XKR9: variants seen among roughly 807,000 people sequenced by gnomAD.
XKR9 encodes XK related 9.
XKR9 carries 32 observed loss-of-function variants against 32.0 expected under a neutral mutation model. The ratio of observed to expected loss-of-function variants is 1.00; its 90% confidence interval spans 0.76 to 1.34. XKR9 has a LOEUF of 1.34. XKR9 is among the 40% of genes most tolerant of loss of function. XKR9 has a pLI of 0.00. For synonymous variants in XKR9, 168 were observed against 143.4 expected, an observed-to-expected ratio of 1.17 and a Z score of -1.22; for missense variants, 546 against 429.7, an observed-to-expected ratio of 1.27 and a Z score of -2.39.
chr8:70,886,651 CTT>C, the XKR9 span, among the ~76,000 whole-genome samples: 5 of 150,168 alleles, frequency 3.3e-5, no homozygotes, highest in African/African-American at 1.2e-4. Flanking sequence ...TGATGATAAG[CTT>C]TTTTTTTCAT....
At chr8:71,049,522 A>G in the XKR9 span, among the ~76,000 whole-genome samples, 1 of 152,242 alleles carries the variant, frequency 6.6e-6, no homozygotes, top group African/African-American at 2.4e-5. Flanking sequence ...AAGTGATCCC[A>G]ACACAGAGGA....
Position 70,735,110 on chromosome 8 carries a change from T to C in XKR9, c.*686T>C, listed in dbSNP as rs1280465925. The C allele has an allele frequency of 2.0e-5, 3 of 152,132 alleles. No individual in the cohort carries two copies. Among genetic ancestry groups the C allele is most frequent in the East Asian group, 1.9e-4 (1 of 5,206 alleles). 9.4% of individuals were successfully genotyped at this position (152,132 alleles called of 1,614,324 possible). ...AATTATTTTTATTTTTAAAAAATTA[T>C]GGTAAAAACATATAAAATTTACCAT... is the stretch of plus-strand genomic sequence containing the variant. On this transcript the variant is annotated 3_prime_UTR_variant, in exon 5 of 5. Transcript: ENST00000408926.
Position 70,683,805 on chromosome 8 carries a change from C to T in XKR9, c.272+2475C>T, listed in dbSNP as rs181648780. ...GTTCGGCCCTAGAATTACTTTACTT[C>T]TGCCTTCCTGAGGTCTGCCTTTTAG... On this transcript the variant is annotated intron_variant, in intron 3 of 4. Coordinates refer to ENST00000408926, the MANE Select transcript of XKR9 (RefSeq NM_001011720.2). Among the ~76,000 whole-genome samples, 580 of 152,322 alleles carry T rather than the reference C, an allele frequency of 3.8e-3. 5 individuals carry two copies. Among genetic ancestry groups the T allele is most frequent in the African/African-American group, 0.013 (549 of 41,574 alleles).
At chr8:70,852,390 A>G in the XKR9 span, among the ~76,000 whole-genome samples, 1 of 152,238 alleles carries the variant, frequency 6.6e-6, no homozygotes, top group Admixed American at 6.5e-5. Flanking sequence ...TCAAGGATCT[A>G]GAACTAGAAA....
the XKR9 span, among the ~76,000 whole-genome samples, chr8:70,861,262 C>A: frequency 6.6e-6 from 1 of 152,040 alleles, no homozygotes; most frequent in Non-Finnish European, 1.5e-5. Context: ...TTCCTCCACT[C>A]GGTAGTTGTG....
the XKR9 span, among the ~76,000 whole-genome samples, chr8:70,952,502 G>T: frequency 6.6e-6 from 1 of 152,062 alleles, no homozygotes; most frequent in Non-Finnish European, 1.5e-5. Context: ...GCATGAATTC[G>T]TTTGTCAAGT....
At position 70,717,753 on chromosome 8, in the gene XKR9, T is replaced by C. The variant is rs1040107547; in HGVS notation, c.493+10600T>C. Among the ~76,000 whole-genome samples, 24 of 152,320 alleles carry C rather than the reference T, an allele frequency of 1.6e-4. No individual in the cohort carries two copies. In the East Asian group the frequency reaches 2.9e-3, roughly 18 times the overall value. On this transcript the variant is annotated intron_variant, in intron 4 of 4. Coordinates refer to ENST00000408926, the MANE Select transcript of XKR9 (RefSeq NM_001011720.2). ...TTAACATTCGACTGCGTAATACTTA[T>C]GCAAATTCTGCAGTGGGCTTGAATG...
intron 1 of XKR9, among the ~76,000 whole-genome samples, chr8:70,671,338 T>TGGCCAAA (rs1331246324): frequency 6.7e-5 from 8 of 119,834 alleles, no homozygotes; most frequent in East Asian, 2.0e-4. Flanking sequence ...CATTTTTTTT[T>TGGCCAAA]TTTTTTTATT....
At chr8:70,787,966 GACTAACGGTA>G (rs1478125289) in intron 2 of XKR9, among the ~76,000 whole-genome samples, 1 of 152,030 alleles carries the variant, frequency 6.6e-6, no homozygotes, top group Non-Finnish European at 1.5e-5. Context: ...TATCATTTGT[GACTAACGGTA>G]ACTTAACTTT....
intron 4 of XKR9, 28 bp from the exon 5 acceptor site, chr8:70,733,768 A>G (rs373640523): frequency 1.2e-5 from 18 of 1,481,130 alleles, no homozygotes; most frequent in Non-Finnish European, 1.6e-5. Context: ...TCCTATAACA[A>G]TATATTTTTT....
At chr8:70,674,777 T>A (rs1818828438) in intron 1 of XKR9, 41 bp from the exon 2 acceptor site, 1 of 152,258 alleles carries the variant, frequency 6.6e-6, no homozygotes, top group South Asian at 2.1e-4. Flanking sequence ...TAGTATTCGA[T>A]CTTAAAGGTT....
At chr8:70,901,503 G>T in the XKR9 span, among the ~76,000 whole-genome samples, 3 of 152,112 alleles carry the variant, frequency 2.0e-5, no homozygotes, top group Admixed American at 6.6e-5. Context: ...TTTTGAAGGG[G>T]TGTTTGGTTT....
intron 2 of XKR9, among the ~76,000 whole-genome samples, chr8:70,763,340 T>G (rs1807332616): frequency 6.6e-6 from 1 of 152,170 alleles, no homozygotes; most frequent in Non-Finnish European, 1.5e-5. Flanking sequence ...TTTTGGCCTT[T>G]GTAGAATAGA....
chr8:71,047,246 G>A, the XKR9 span, among the ~76,000 whole-genome samples: 3 of 152,182 alleles, frequency 2.0e-5, no homozygotes, highest in Non-Finnish European at 4.4e-5. Context: ...AAAGATTCTA[G>A]TGTCCTGTCT....
chr8:70,923,464 C>G, the XKR9 span, among the ~76,000 whole-genome samples: 4 of 152,342 alleles, frequency 2.6e-5, no homozygotes, highest in Admixed American at 2.6e-4. Flanking sequence ...CTGTCTCACT[C>G]TCAGAGGCAA....
the XKR9 span, among the ~76,000 whole-genome samples, chr8:71,033,055 G>A: frequency 6.6e-6 from 1 of 150,434 alleles, no homozygotes; most frequent in Non-Finnish European, 1.5e-5. Context: ...TTGCACTCCA[G>A]TCTAGGGACA....
chr8:70,801,110 A>G, the XKR9 span, among the ~76,000 whole-genome samples: 16 of 149,646 alleles, frequency 1.1e-4, no homozygotes, highest in African/African-American at 3.2e-4. Flanking sequence ...AATCTTATTT[A>G]TGCTCTTTCA....
At chr8:71,025,138 G>A in the XKR9 span, among the ~76,000 whole-genome samples, 2 of 86,014 alleles carry the variant, frequency 2.3e-5, no homozygotes, top group Admixed American at 2.1e-4. Context: ...TTGCTCCAAA[G>A]TGGCATAGCT....
chr8:70,798,615 G>T, the XKR9 span, among the ~76,000 whole-genome samples: 29 of 152,204 alleles, frequency 1.9e-4, no homozygotes, highest in African/African-American at 7.0e-4. Context: ...TTTTGTCATG[G>T]AATCTTTGCC....
Sources: gnomAD v4.1 joint callset for allele counts (sites outside exome capture counted in the v4.1 genomes callset) on GRCh38, gnomAD v4.1.1 for gene constraint, MANE v1.5 for transcripts, NCBI Gene and HGNC (gene_info 2026-07-23, HGNC 2026-07-21) for gene names.